Variants in LMBR1 observed in about 807,000 individuals in gnomAD.
LMBR1 encodes the protein limb development membrane protein 1.
LMBR1 carries 52 observed loss-of-function variants against 73.9 expected under a neutral mutation model. That is an observed-to-expected ratio of 0.70 (90% confidence interval 0.56 to 0.89). LMBR1 has a LOEUF of 0.89. Among genes scored for constraint, LMBR1 ranks in the 40% least tolerant of loss-of-function variants. The probability of loss-of-function intolerance (pLI) is 0.00; values close to 1 mark genes in which losing one functional copy is unlikely to be tolerated. For synonymous variants in LMBR1, 215 were observed against 209.4 expected (o/e 1.03, Z -0.23); for missense variants, 539 against 579.8 (o/e 0.93, Z 0.72).
At chr7:156,833,098 T>C (rs902947343) in intron 3 of LMBR1, among the ~76,000 whole-genome samples, 2 of 152,352 alleles carry the variant, frequency 1.3e-5, no homozygotes, top group East Asian at 3.9e-4. Flanking sequence ...GAGCGACTTC[T>C]AAACAGTTGG....
At chr7:156,787,012 T>A (rs999577327) in intron 5 of LMBR1, among the ~76,000 whole-genome samples, 1 of 152,306 alleles carries the variant, frequency 6.6e-6, no homozygotes, top group Admixed American at 6.5e-5. Context: ...TATAGTAATA[T>A]TAGCCGCAAA....
intron 15 of LMBR1, among the ~76,000 whole-genome samples, chr7:156,706,756 T>G (rs1273979670): frequency 6.6e-6 from 1 of 151,868 alleles, no homozygotes; most frequent in Non-Finnish European, 1.5e-5. Flanking sequence ...GTTTATGACA[T>G]CAAGTGACTA....
At chr7:156,820,068 A>AC (rs1217497366) in intron 4 of LMBR1, among the ~76,000 whole-genome samples, 1 of 152,106 alleles carries the variant, frequency 6.6e-6, no homozygotes. Context: ...TTCCCACTAC[A>AC]CCCCCATTCG....
At chr7:156,759,643 A>T (rs1215722641) in intron 8 of LMBR1, among the ~76,000 whole-genome samples, 1 of 152,260 alleles carries the variant, frequency 6.6e-6, no homozygotes, top group East Asian at 1.9e-4. Flanking sequence ...AAAGAAACAA[A>T]GACAAGACTT....
At chr7:156,693,406 T>C (rs1326443692) in intron 15 of LMBR1, among the ~76,000 whole-genome samples, 1 of 152,004 alleles carries the variant, frequency 6.6e-6, no homozygotes, top group Non-Finnish European at 1.5e-5. Context: ...ATAAAAACCT[T>C]AGCTAGACTA....
At chr7:156,812,945 GC>G (rs1833346997) in intron 4 of LMBR1, among the ~76,000 whole-genome samples, 1 of 152,102 alleles carries the variant, frequency 6.6e-6, no homozygotes, top group Admixed American at 6.5e-5. Flanking sequence ...CACCTTGTTT[GC>G]CCCCATCTCT....
chr7:156,717,341 G>A (rs1279674663), intron 15 of LMBR1, among the ~76,000 whole-genome samples: 1 of 152,184 alleles, frequency 6.6e-6, no homozygotes, highest in Non-Finnish European at 1.5e-5. Flanking sequence ...TGACCAGTGT[G>A]AGGTGGCAGG....
chr7:156,709,325 G>A (rs1173513176), intron 15 of LMBR1, among the ~76,000 whole-genome samples: 1 of 152,192 alleles, frequency 6.6e-6, no homozygotes, highest in Non-Finnish European at 1.5e-5. Context: ...TAATTCCACT[G>A]CCTGCAACAT....
intron 15 of LMBR1, among the ~76,000 whole-genome samples, chr7:156,713,317 T>C (rs1045384570): frequency 2.0e-5 from 3 of 151,996 alleles, no homozygotes; most frequent in Admixed American, 1.3e-4. Flanking sequence ...TAACAGTGGA[T>C]ATGGGACATT....
At chr7:156,836,433 C>G (rs753591834) in intron 2 of LMBR1, among the ~76,000 whole-genome samples, 3 of 152,142 alleles carry the variant, frequency 2.0e-5, no homozygotes, top group Non-Finnish European at 4.4e-5. Flanking sequence ...TATGGAGACT[C>G]TAAATATCTA....
intron 8 of LMBR1, among the ~76,000 whole-genome samples, chr7:156,758,056 A>C (rs1039843946): frequency 5.9e-5 from 9 of 152,238 alleles, no homozygotes; most frequent in Non-Finnish European, 1.3e-4. Context: ...AGATACCTAA[A>C]TGGCCAGCCA....
chr7:156,760,649 C>T (rs1217411471), intron 8 of LMBR1, among the ~76,000 whole-genome samples: 2 of 152,222 alleles, frequency 1.3e-5, no homozygotes, highest in Non-Finnish European at 2.9e-5. Context: ...AATTTCAAGA[C>T]TTGGCAGCAT....
At chr7:156,886,855 C>T (rs569757837) in intron 1 of LMBR1, among the ~76,000 whole-genome samples, 1 of 152,308 alleles carries the variant, frequency 6.6e-6, no homozygotes, top group Non-Finnish European at 1.5e-5. Flanking sequence ...CTTCAGATCT[C>T]TATTTTAACA....
At chr7:156,835,077 T>C (rs555016036) in intron 2 of LMBR1, among the ~76,000 whole-genome samples, 6 of 150,624 alleles carry the variant, frequency 4.0e-5, no homozygotes, top group East Asian at 2.0e-4. Context: ...GAGGCAGAGG[T>C]TGCAGTGAGC....
chr7:156,885,444 G>T (rs1009150935), intron 1 of LMBR1, among the ~76,000 whole-genome samples: 1 of 151,832 alleles, frequency 6.6e-6, no homozygotes, highest in South Asian at 2.1e-4. Context: ...CCCAGGATAA[G>T]GAAGAATTTA....
chr7:156,718,807 C>T (rs550006142), intron 15 of LMBR1, among the ~76,000 whole-genome samples: 13 of 151,570 alleles, frequency 8.6e-5, no homozygotes, highest in Non-Finnish European at 1.9e-4. Flanking sequence ...TAGACCCTTA[C>T]GATCATTTGT....
At chr7:156,863,968 G>A (rs369610040) in intron 1 of LMBR1, among the ~76,000 whole-genome samples, 10 of 151,858 alleles carry the variant, frequency 6.6e-5, no homozygotes, top group African/African-American at 2.4e-5. Flanking sequence ...TGGCCAACAC[G>A]GTGAAACCTC....
chr7:156,855,906 GTTCTGTAT>G (rs1796895403), intron 1 of LMBR1, among the ~76,000 whole-genome samples: 1 of 152,154 alleles, frequency 6.6e-6, no homozygotes, highest in Non-Finnish European at 1.5e-5. Flanking sequence ...CCAACCCAAA[GTTCTGTAT>G]CCAGCAAAAT....
chr7:156,814,475 G>C (rs1833591700), intron 4 of LMBR1, among the ~76,000 whole-genome samples: 1 of 152,058 alleles, frequency 6.6e-6, no homozygotes, highest in African/African-American at 2.4e-5. Flanking sequence ...GTACAAGCAA[G>C]GCTTCTTAAA....
Sources: allele counts gnomAD v4.1 joint callset (sites outside exome capture counted in the v4.1 genomes callset), GRCh38; gene constraint gnomAD v4.1.1; transcripts MANE v1.5; gene names NCBI Gene and HGNC (gene_info 2026-07-23, HGNC 2026-07-21).